The following ESRRG variants were observed in gnomAD, a reference collection of about 807,000 sequenced individuals.
ESRRG encodes the protein estrogen-related receptor gamma.
In ESRRG, 13 loss-of-function variants were observed where a neutral mutation model predicts 44.0. The ratio of observed to expected loss-of-function variants is 0.30; its 90% CI spans 0.19 to 0.47. The LOEUF (loss-of-function observed/expected upper bound fraction) is 0.47. Among genes scored for constraint, ESRRG ranks in the 20% least tolerant of loss-of-function variants. ESRRG has a pLI of 1.00. For missense variants in ESRRG, 395 were observed against 580.6 expected (o/e 0.68, Z 3.29); for synonymous variants, 215 against 214.6 (o/e 1.00, Z -0.02).
chr1:217,112,106 C>G (rs190269846), intron 1 of ESRRG, among the ~76,000 whole-genome samples: 14 of 152,248 alleles, frequency 9.2e-5, no homozygotes, highest in Admixed American at 7.2e-4. Context: ...ATAAGTATAG[C>G]CCTGCACCTG....
chr1:217,053,061 A>C (rs1243449740), intron 1 of ESRRG, among the ~76,000 whole-genome samples: 1 of 145,416 alleles, frequency 6.9e-6, no homozygotes, highest in Non-Finnish European at 1.5e-5. Context: ...CCCAGCTGGG[A>C]GGCTGAGGTG....
intron 2 of ESRRG, among the ~76,000 whole-genome samples, chr1:216,876,598 AC>A (rs368075405): frequency 4.0e-5 from 6 of 150,952 alleles, no homozygotes; most frequent in African/African-American, 1.5e-4. Context: ...TTTTTGTCAT[AC>A]CTTTTTTTTT....
At chr1:216,932,654 C>T (rs2063520990) in intron 2 of ESRRG, among the ~76,000 whole-genome samples, 1 of 150,710 alleles carries the variant, frequency 6.6e-6, no homozygotes, top group South Asian at 2.1e-4. Flanking sequence ...AATTCCTGAG[C>T]TCAGGTGATC....
chr1:217,055,449 G>T (rs762802051), intron 1 of ESRRG, among the ~76,000 whole-genome samples: 2 of 152,130 alleles, frequency 1.3e-5, no homozygotes, highest in Non-Finnish European at 2.9e-5. Context: ...TCCAGTGGCA[G>T]GTTGGGCAGG....
At chr1:216,802,182 C>CT (rs976197226) in intron 2 of ESRRG, among the ~76,000 whole-genome samples, 8 of 152,006 alleles carry the variant, frequency 5.3e-5, no homozygotes, top group African/African-American at 1.9e-4. Flanking sequence ...CTGAGGGGTG[C>CT]TTTTTTTCTG....
At chr1:217,091,675 G>C (rs2092347648), upstream of ESRRG, among the ~76,000 whole-genome samples, 1 of 152,150 alleles carries the variant, frequency 6.6e-6, no homozygotes, top group African/African-American at 2.4e-5. Context: ...TGTCCCTTTG[G>C]CATGCCAGAA....
chr1:217,107,976 T>C (rs2092618468), intron 1 of ESRRG, among the ~76,000 whole-genome samples: 1 of 152,010 alleles, frequency 6.6e-6, no homozygotes, highest in Admixed American at 6.6e-5. Context: ...TTAAAGCATG[T>C]CATTCCTGAC....
In ESRRG at chr1:216,896,542, T is replaced by C. The variant is rs186082828; in HGVS notation, c.-14+43040A>G. The stretch of plus-strand genomic sequence containing the variant: ...GCAATGAAAAGGTTAGAAATGATAG[T>C]TAAAAAAAGACAAATTACTCCAAAG... On this transcript the variant is annotated intron_variant, in intron 2 of 7. Coordinates refer to the ESRRG transcript ENST00000359162. 1.8e-3 allele frequency among the ~76,000 whole-genome samples: 270 copies of C among 152,246 alleles called. 3 individuals carry two copies. Among genetic ancestry groups the C allele is most frequent in the South Asian group, 7.0e-3 (34 of 4,824 alleles).
rs117417257 is a variant in ESRRG, at chr1:216,617,066, A to G, written c.589+33907T>C. Reference sequence around the variant, plus strand: ...ATTTTCATAATATAAAACTCATCCAATCTGTTTCTTTTCAACATTTTCAAT... The same window carrying G: ...ATTTTCATAATATAAAACTCATCCAGTCTGTTTCTTTTCAACATTTTCAAT... On this transcript the variant is annotated intron_variant, in intron 3 of 6. Coordinates refer to ENST00000408911, the MANE Select transcript of ESRRG (RefSeq NM_001438.4). Among the ~76,000 whole-genome samples, 985 of 152,284 alleles carry G rather than the reference A, an allele frequency of 6.5e-3. 28 individuals are homozygous for G. Among genetic ancestry groups the G allele is most frequent in the Admixed American group, 0.05 (759 of 15,290 alleles).
chr1:216,800,281 A>G (rs2094577434), intron 2 of ESRRG, among the ~76,000 whole-genome samples: 1 of 152,168 alleles, frequency 6.6e-6, no homozygotes, highest in African/African-American at 2.4e-5. Flanking sequence ...GGAATGAACC[A>G]CCAAGGAACC....
chr1:216,521,322 C>CAACA (rs558646593), intron 5 of ESRRG, among the ~76,000 whole-genome samples: 147 of 152,160 alleles, frequency 9.7e-4, no homozygotes, highest in African/African-American at 3.5e-3. Flanking sequence ...GTTATATTCA[C>CAACA]AACAAACAAA....
intron 2 of ESRRG, among the ~76,000 whole-genome samples, chr1:216,741,140 T>C (rs919730049): frequency 1.3e-5 from 2 of 149,928 alleles, no homozygotes; most frequent in African/African-American, 2.4e-5. Context: ...CAGAACATTG[T>C]CTAAACAGAG....
chr1:216,641,850 A>G (rs942474339), intron 3 of ESRRG, among the ~76,000 whole-genome samples: 2 of 152,218 alleles, frequency 1.3e-5, no homozygotes, highest in African/African-American at 2.4e-5. Flanking sequence ...TAATCCTCAC[A>G]TGATACTTGA....
intron 2 of ESRRG, among the ~76,000 whole-genome samples, chr1:216,770,309 G>A (rs1002030969): frequency 6.6e-6 from 1 of 152,212 alleles, no homozygotes; most frequent in Middle Eastern, 3.4e-3. Flanking sequence ...AAACACACAG[G>A]AGACTTAAAC....
intron 2 of ESRRG, among the ~76,000 whole-genome samples, chr1:216,873,474 A>G (rs1361578272): frequency 6.6e-6 from 1 of 151,970 alleles, no homozygotes; most frequent in Non-Finnish European, 1.5e-5. Context: ...AGTCCCCATC[A>G]AAGTGCTGGG....
At chr1:217,101,475 A>G (rs768852654) in intron 1 of ESRRG, among the ~76,000 whole-genome samples, 5 of 152,192 alleles carry the variant, frequency 3.3e-5, no homozygotes, top group Non-Finnish European at 5.9e-5. Flanking sequence ...TTTCCTTACC[A>G]TTAGTACATA....
At chr1:216,793,421 G>A (rs949794597) in intron 2 of ESRRG, among the ~76,000 whole-genome samples, 1 of 152,150 alleles carries the variant, frequency 6.6e-6, no homozygotes, top group Non-Finnish European at 1.5e-5. Flanking sequence ...TGTCTCTCAG[G>A]TAATTTGCTT....
intron 3 of ESRRG, among the ~76,000 whole-genome samples, chr1:216,630,477 A>AC (rs2063965377): frequency 7.0e-6 from 1 of 142,348 alleles, no homozygotes; most frequent in Non-Finnish European, 1.5e-5. Flanking sequence ...CACACACACA[A>AC]TTAAATCTTA....
At chr1:216,595,060 G>A (rs2058239453) in intron 3 of ESRRG, among the ~76,000 whole-genome samples, 1 of 152,182 alleles carries the variant, frequency 6.6e-6, no homozygotes, top group Admixed American at 6.5e-5. Context: ...GCAAGTACTT[G>A]TGTGAGAGCA....
Sources: gnomAD v4.1 joint callset for allele counts (sites outside exome capture counted in the v4.1 genomes callset) on GRCh38, gnomAD v4.1.1 for gene constraint, MANE v1.5 for transcripts, NCBI Gene and HGNC (gene_info 2026-07-23, HGNC 2026-07-21) for gene names.